Variants in TRMT2B observed in about 807,000 individuals in gnomAD.
The protein encoded by TRMT2B is tRNA (uracil-5-)-methyltransferase homolog B.
A neutral mutation model predicts 39.7 loss-of-function variants in TRMT2B; 34 were observed. That is an observed-to-expected ratio of 0.86 (90% CI 0.65 to 1.14). The LOEUF (loss-of-function observed/expected upper bound fraction) is 1.14, where lower values mean the gene tolerates loss of function less well. TRMT2B is among the 50% of genes most tolerant of loss of function. The probability of loss-of-function intolerance (pLI) is 0.00; values close to 1 mark genes in which losing one functional copy is unlikely to be tolerated. For synonymous variants in TRMT2B, 132 were observed against 137.3 expected, an observed-to-expected ratio of 0.96 and a Z score of 0.27; for missense variants, 318 against 377.2, an observed-to-expected ratio of 0.84 and a Z score of 1.30.
At chrX:101,000,181 CGCAATCTCCACTCACT>C in the TRMT2B span, among the ~76,000 whole-genome samples, 5 of 104,358 alleles carry the variant, frequency 4.8e-5, no homozygotes, top group African/African-American at 1.4e-4. Flanking sequence ...AGTGCAATAG[CGCAATCTCCACTCACT>C]GCAACCTCCA....
At chrX:101,004,820 G>A (rs193087827), downstream of TRMT2B, among the ~76,000 whole-genome samples, 1 of 111,223 alleles carries the variant, frequency 9.0e-6, no homozygotes, top group African/African-American at 3.3e-5. Flanking sequence ...GTTTTAATGT[G>A]AGTCTAATCA....
Position 101,020,574 on chromosome X carries a change from A to G in TRMT2B, c.1081T>C (p.Ser361Pro). 2 of 1,205,659 alleles carry G rather than the reference A, an allele frequency of 1.7e-6. No homozygotes were observed. The highest frequency in any genetic ancestry group is 1.8e-5 in the South Asian group (1 of 56,886). The change falls in exon 11 of 14, where the codon TCT becomes CCT. Residue 361 changes from serine (S) to proline (P), a missense_variant. Ser to Pro is a moderately conservative substitution (Grantham distance 74). Coordinates refer to ENST00000372936, the MANE Select transcript of TRMT2B (RefSeq NM_024917.6). ...ICCGTGVIGL[S>P]LAQHTSRVLG... ...ACCCGAGATGTATGCTGAGCCAGAG[A>G]GAGGCCAATCACACCTGAAGAAGTA...
chrX:101,032,313 T>C lies in TRMT2B; in HGVS notation c.609+3300A>G, dbSNP rs547216935. On this transcript the variant is annotated intron_variant, in intron 7 of 13. Coordinates refer to ENST00000372936, the MANE Select transcript of TRMT2B (RefSeq NM_024917.6). ...AAAAAATTCAGGAAGAGGGGCTGGG[T>C]GCGGTGGCTCACACCTGTAATCCCA... 2.7e-4 allele frequency among the ~76,000 whole-genome samples: 25 copies of C among 93,196 alleles called. No homozygotes were observed. The South Asian group carries it at 0.012, about 44-fold the overall frequency. The allele number at this position is 93,196 out of a possible 115,157, so 80.9% of individuals were successfully genotyped here. A position where few individuals can be genotyped will look rare whatever the true frequency, so the allele number is the denominator to read the frequency against.
At chrX:101,043,309 C>T (rs1180397745) in intron 2 of TRMT2B, among the ~76,000 whole-genome samples, 8 of 110,909 alleles carry the variant, frequency 7.2e-5, no homozygotes, top group Non-Finnish European at 1.3e-4. Context: ...AGGTGGCTCA[C>T]GCCTGTAATC....
the TRMT2B span, chrX:100,988,535 A>G: frequency 9.0e-7 from 1 of 1,105,592 alleles, no homozygotes; most frequent in Non-Finnish European, 1.2e-6. Context: ...CCAGCTCCAT[A>G]TGCTGATGAC....
At chrX:101,026,062 G>GAGGA (rs1197947031) in intron 7 of TRMT2B, among the ~76,000 whole-genome samples, 3 of 100,472 alleles carry the variant, frequency 3.0e-5, no homozygotes, top group African/African-American at 7.1e-5. Flanking sequence ...GGGAGGGAGG[G>GAGGA]AGGAAGGAAG....
the TRMT2B span, among the ~76,000 whole-genome samples, chrX:100,976,139 A>C: frequency 1.7e-3 from 188 of 110,148 alleles, no homozygotes; most frequent in Middle Eastern, 4.6e-3. Context: ...TCACAAGATT[A>C]TTGAAAAACG....
rs147996489 is a variant in TRMT2B, at chrX:101,023,587, T to C, written c.639A>G (p.Pro213=). The C allele has an allele frequency of 1.3e-4, 160 of 1,207,819 alleles. No individual in the cohort carries two copies. The African/African-American group carries it at 2.5e-3, about 19-fold the overall frequency. Residue 213 remains proline (P), a synonymous_variant, in exon 8 of 14, where the codon CCA becomes CCG. Transcript: ENST00000372936. ...QYYEVFLRQS[P]LEPCLVFHEG... ...CATGAAATACAAGGCAGGGCTCCAATGGAGACTGTCGAAGGAATACTTCAT... is the reference window on the plus strand; with the variant it reads ...CATGAAATACAAGGCAGGGCTCCAACGGAGACTGTCGAAGGAATACTTCAT...
intron 7 of TRMT2B, among the ~76,000 whole-genome samples, chrX:101,024,183 G>C (rs1450933992): frequency 1.8e-5 from 2 of 111,205 alleles, no homozygotes; most frequent in African/African-American, 6.5e-5. Context: ...GACACACAGA[G>C]ACACCAAGGT....
the TRMT2B span, among the ~76,000 whole-genome samples, chrX:101,003,037 C>T: frequency 9.3e-6 from 1 of 107,894 alleles, no homozygotes; most frequent in African/African-American, 3.4e-5. Flanking sequence ...ACCCCAGACC[C>T]CCAAGTAGTT....
chrX:101,026,689 A>C (rs2087113365), intron 7 of TRMT2B, among the ~76,000 whole-genome samples: 1 of 111,237 alleles, frequency 9.0e-6, no homozygotes, highest in Non-Finnish European at 1.9e-5. Flanking sequence ...TTCTGGTTAA[A>C]ATAACAGAAT....
intron 7 of TRMT2B, among the ~76,000 whole-genome samples, chrX:101,028,704 G>T (rs2148030065): frequency 8.9e-6 from 1 of 111,865 alleles, no homozygotes; most frequent in Non-Finnish European, 1.9e-5. Flanking sequence ...CATTCAGAAT[G>T]ATGTGGTTTG....
At position 101,047,246 on chromosome X, in the gene TRMT2B, A is replaced by G. The variant is rs899648141; in HGVS notation, c.-24+4005T>C. On this transcript the variant is annotated intron_variant, in intron 2 of 13. Transcript: ENST00000372936. ...AAAAGTACTTAGCAGAAGATTAGAC[A>G]GGTATGTTTGTGAAACTCTGAGCAG... 3.6e-4 allele frequency among the ~76,000 whole-genome samples: 40 copies of G among 110,693 alleles called. 1 individual carries two copies. The highest frequency in any genetic ancestry group is 2.8e-4 in the Non-Finnish European group (15 of 52,977).
chrX:100,986,897 G>A, the TRMT2B span: 31 of 1,168,150 alleles, frequency 2.7e-5, no homozygotes, highest in East Asian at 9.0e-5. Flanking sequence ...TGCCCATGCC[G>A]AGTAGTAAGT....
chrX:100,974,409 C>T, the TRMT2B span, among the ~76,000 whole-genome samples: 3 of 109,497 alleles, frequency 2.7e-5, no homozygotes, highest in East Asian at 8.7e-4. Context: ...CCCTTCCCCA[C>T]ATTACATAAA....
At position 101,010,551 on chromosome X, in the gene TRMT2B, C is replaced by A. The variant is rs772571222; in HGVS notation, c.*30G>T. ...AAAGTTTCTGAAACTTCAGCCTTAACAAATAGCCTGCTGTCTTCTAGGAGG... is the reference window on the plus strand; with the variant it reads ...AAAGTTTCTGAAACTTCAGCCTTAAAAAATAGCCTGCTGTCTTCTAGGAGG... On this transcript the variant is annotated 3_prime_UTR_variant, in exon 14 of 14. Coordinates refer to ENST00000372936, the MANE Select transcript of TRMT2B (RefSeq NM_024917.6). The A allele has an allele frequency of 8.3e-7, 1 of 1,207,736 alleles. No homozygotes were observed. The highest frequency in any genetic ancestry group is 2.2e-5 in the Admixed American group (1 of 45,575).
intron 2 of TRMT2B, among the ~76,000 whole-genome samples, chrX:101,047,207 GAAA>G (rs58813758): frequency 4.8e-5 from 4 of 82,668 alleles, no homozygotes; most frequent in African/African-American, 4.4e-5. Flanking sequence ...ACCCTGTCTC[GAAA>G]AAAAAAAAAA....
At chrX:100,980,889 G>A in the TRMT2B span, among the ~76,000 whole-genome samples, 1 of 111,699 alleles carries the variant, frequency 9.0e-6, no homozygotes, top group Non-Finnish European at 1.9e-5. Context: ...AAATGTCATC[G>A]GGGAGCCATG....
chrX:101,038,371 C>CAAAAA (rs57481304), intron 4 of TRMT2B, among the ~76,000 whole-genome samples: 298 of 34,175 alleles, frequency 8.7e-3, no homozygotes, highest in Middle Eastern at 0.024. Flanking sequence ...AACTCCGTCT[C>CAAAAA]AAAAAAAAAA....
Sources: allele counts gnomAD v4.1 joint callset (sites outside exome capture counted in the v4.1 genomes callset), GRCh38; gene constraint gnomAD v4.1.1; transcripts MANE v1.5; gene names NCBI Gene and HGNC (gene_info 2026-07-23, HGNC 2026-07-21).